The following MICAL1 variants were observed in gnomAD, a reference collection of about 807,000 sequenced individuals.
MICAL1 encodes the protein microtubule associated monooxygenase, calponin and LIM domain containing 1.
A neutral mutation model predicts 131.8 loss-of-function variants in MICAL1; 95 were observed. The ratio of observed to expected loss-of-function variants is 0.72; its 90% confidence interval spans 0.61 to 0.86. The LOEUF is 0.86. MICAL1 is among the 40% of genes least tolerant of loss of function. The pLI, the probability that MICAL1 is intolerant of heterozygous loss-of-function variation, is 0.00. For missense variants in MICAL1, 1,292 were observed against 1,380.6 expected, an observed-to-expected ratio of 0.94 and a Z score of 1.02; for synonymous variants, 546 against 554.2, an observed-to-expected ratio of 0.99 and a Z score of 0.21.
chr6:109,457,282 G>A (rs77974448), upstream of MICAL1, among the ~76,000 whole-genome samples: 5,184 of 152,264 alleles, frequency 0.034, 135 homozygotes, highest in East Asian at 0.07. Context: ...GCTTTTGAGT[G>A]TGACACGTCA....
upstream of MICAL1, among the ~76,000 whole-genome samples, chr6:109,456,390 G>T (rs1191479313): frequency 5.9e-5 from 9 of 152,236 alleles, no homozygotes; most frequent in African/African-American, 1.9e-4. Flanking sequence ...CGCAGAGTGC[G>T]CCTCCTGTGA....
rs965061295 is a variant in MICAL1 at position 109,452,735 on chromosome 6, ATATAT to A, written c.572-125_572-121del. ...GGACTCTCTGGTTTAGAAAGCAATG[ATATAT>A]TATCTATCAGATTACACCTTCACAG... On this transcript the variant is annotated intron_variant, in intron 4 of 24. Coordinates refer to ENST00000358807, the MANE Select transcript of MICAL1 (RefSeq NM_022765.4). 5 of 700,978 alleles carry A rather than the reference ATATAT, an allele frequency of 7.1e-6. No individual in the cohort carries two copies. The African/African-American group carries it at 9.0e-5, about 13-fold the overall frequency. The allele number at this position is 700,978 out of a possible 1,614,324, so 43.4% of individuals were successfully genotyped here.
intron 1 of MICAL1, 36 bp from the exon 2 acceptor site, chr6:109,454,275 G>A (rs770318482): frequency 1.3e-6 from 2 of 1,506,108 alleles, no homozygotes; most frequent in Non-Finnish European, 8.9e-7. Context: ...AGAGGCTGGA[G>A]AACAGAAGAA....
chr6:109,456,884 G>T (rs757596109), upstream of MICAL1, among the ~76,000 whole-genome samples: 4 of 152,142 alleles, frequency 2.6e-5, no homozygotes, highest in South Asian at 6.2e-4. Flanking sequence ...CAGGTCTGTC[G>T]GCTCCACCAC....
In MICAL1 at chr6:109,452,460, G is replaced by C. The variant is rs373446253; in HGVS notation, c.676+51C>G. 8.1e-6 allele frequency: 13 copies of C among 1,611,488 alleles called. No homozygotes were observed. In the African/African-American group the frequency reaches 1.6e-4, roughly 20 times the overall value. ...GAGGGGGTTATAACAATCTAGAAAG[G>C]CCCAGGATGTGCCAGAGATGCTGGC... On this transcript the variant is annotated intron_variant, in intron 5 of 24. Transcript: ENST00000358807.
At chr6:109,464,307 A>C (rs972382184) in intron 1 of MICAL1, 2 of 152,172 alleles carry the variant, frequency 1.3e-5, no homozygotes, top group African/African-American at 4.8e-5. Flanking sequence ...TCTTCTCTCA[A>C]ACCTGAAGAA....
chr6:109,452,339 C>T lies in MICAL1; in HGVS notation c.739G>A (p.Gly247Arg). 6.2e-7 allele frequency: 1 copy of T among 1,614,204 alleles called. No individual in the cohort carries two copies. ...AIGITANFVNGRTVEETQVPE... is the reference protein window; with the variant it reads ...AIGITANFVNRRTVEETQVPE... ...ACCTGTGTCTCCTCCACGGTGCGTC[C>T]ATTCACAAAGTTGGCTGTGATGCCA... is the stretch of plus-strand genomic sequence containing the variant. The change falls in exon 6 of 25, where the codon GGA becomes AGA. Residue 247 changes from glycine (G) to arginine (R), a missense_variant. Gly to Arg is a moderately radical substitution (Grantham distance 125, BLOSUM62 -2). Transcript: ENST00000358807.
chr6:109,452,162 G>A (rs1390603975), intron 6 of MICAL1, 84 bp downstream of exon 6: 2 of 1,529,368 alleles, frequency 1.3e-6, no homozygotes, highest in African/African-American at 2.8e-5. Flanking sequence ...GTTCCTTGCA[G>A]TGAGGACAAG....
At chr6:109,449,636 T>C (rs1348247818) in intron 10 of MICAL1, 21 bp downstream of exon 10, 1 of 1,585,188 alleles carries the variant, frequency 6.3e-7, no homozygotes, top group Non-Finnish European at 8.6e-7. Context: ...GGAAGGCTGG[T>C]GGGTGTGTCG....
chr6:109,455,588 G>A lies in MICAL1; in HGVS notation c.-44+131C>T. 1.7e-6 allele frequency: 1 copy of A among 590,736 alleles called. No homozygotes were observed. Among genetic ancestry groups the A allele is most frequent in the Non-Finnish European group, 2.1e-6 (1 of 468,486 alleles). The allele number at this position is 590,736 out of a possible 1,614,324, so 36.6% of individuals were successfully genotyped here. On this transcript the variant is annotated intron_variant, in intron 1 of 24. Transcript: ENST00000358807. This position sits in a 1 kb window ranked among gnomAD's most constrained non-coding sequence, Gnocchi z 4.7. ...TCCGGACGCGGCGTGAGCAGGGCTG[G>A]GCTGAGGGAAGACCTGCCTGACCTG... is the stretch of plus-strand genomic sequence containing the variant.
intron 1 of MICAL1, among the ~76,000 whole-genome samples, chr6:109,461,693 T>C (rs960955055): frequency 1.8e-4 from 27 of 152,166 alleles, no homozygotes; most frequent in African/African-American, 6.5e-4. Context: ...ATTAAATATG[T>C]AATTTTTAAT....
intron 13 of MICAL1, 88 bp downstream of exon 13, chr6:109,448,115 C>T (rs1775324608): frequency 1.5e-6 from 2 of 1,363,156 alleles, no homozygotes; most frequent in Non-Finnish European, 2.0e-6. Flanking sequence ...CACACACACA[C>T]ACCGCCTTCT....
Position 109,445,402 on chromosome 6 carries a change from C to A in MICAL1, c.2787+14G>T, listed in dbSNP as rs370929889. 2 of 1,613,700 alleles carry A rather than the reference C, an allele frequency of 1.2e-6. No individual in the cohort carries two copies. The highest frequency in any genetic ancestry group is 1.3e-5 in the African/African-American group (1 of 74,926). ...TTTGACCCCATCAGAATTTTGGGAA[C>A]CCCCGGGCTTCACCTGGGCCTTGCA... On this transcript the variant is annotated intron_variant, in intron 21 of 24. Transcript: ENST00000358807.
chr6:109,448,614 TAG>T, intron 12 of MICAL1, 116 bp downstream of exon 12: 1 of 1,443,366 alleles, frequency 6.9e-7, no homozygotes, highest in Non-Finnish European at 9.5e-7. Flanking sequence ...CTGAATGCAT[TAG>T]AGTCTCACAA....
chr6:109,451,886 A>G (rs1775557921), intron 6 of MICAL1, 186 bp from the exon 7 acceptor site: 1 of 1,403,248 alleles, frequency 7.1e-7, no homozygotes, highest in African/African-American at 1.5e-5. Context: ...AGGAGGCCTG[A>G]GGACTTAGAG....
rs989053743 is a variant in MICAL1, at chr6:109,455,399, G to A, written c.-44+320C>T. Among the ~76,000 whole-genome samples the A allele has an allele frequency of 1.3e-5, 2 of 152,220 alleles. No individual in the cohort carries two copies. Among genetic ancestry groups the A allele is most frequent in the African/African-American group, 4.8e-5 (2 of 41,456 alleles). The stretch of plus-strand genomic sequence containing the variant: ...AAGGGCAAAGATCTTTCTTGGGGGT[G>A]GAGGGTGGAAGGAGGAAGACCTCGG... On this transcript the variant is annotated intron_variant, in intron 1 of 24. Coordinates refer to ENST00000358807, the MANE Select transcript of MICAL1 (RefSeq NM_022765.4). This position sits in a 1 kb window ranked among gnomAD's most constrained non-coding sequence, Gnocchi z 4.7.
rs1033227602 is a variant in MICAL1, at chr6:109,445,867, G to A, written c.2582-5C>T. 3 of 1,597,220 alleles carry A rather than the reference G, an allele frequency of 1.9e-6. No homozygotes were observed. The highest frequency in any genetic ancestry group is 2.2e-5 in the East Asian group (1 of 44,604). ...CCTTCTCCATGGCCACAAGAGCTGA[G>A]AAGAAGAACTGAGACGTTCTACTGC... On this transcript the variant is annotated splice_region_variant and splice_polypyrimidine_tract_variant and intron_variant, in intron 19 of 24. Transcript: ENST00000358807.
intron 14 of MICAL1, 61 bp downstream of exon 14, chr6:109,447,814 C>T: frequency 6.2e-7 from 1 of 1,610,328 alleles, no homozygotes; most frequent in East Asian, 2.2e-5. Flanking sequence ...CCAGGATCTC[C>T]ACTGGGTACC....
chr6:109,446,158 G>T lies in MICAL1; in HGVS notation c.2559C>A (p.Gly853=). 1.9e-6 allele frequency: 3 copies of T among 1,558,920 alleles called. No individual in the cohort carries two copies. The highest frequency in any genetic ancestry group is 1.7e-6 in the Non-Finnish European group (2 of 1,156,806). Residue 853 remains glycine, a synonymous_variant, in exon 19 of 25, where the codon GGC becomes GGA. Coordinates refer to ENST00000358807, the MANE Select transcript of MICAL1 (RefSeq NM_022765.4). ...HALESSFVGW[G]LPVQSPQALV... ...TACCTTGAGGGCTCTGGACTGGCAG[G>T]CCCCAGCCCACAAAGCTGCTCTCCA...
Sources: gnomAD v4.1 joint callset for allele counts (sites outside exome capture counted in the v4.1 genomes callset) on GRCh38, gnomAD v4.1.1 for gene constraint, Gnocchi (gnomAD v3.1) non-coding constraint, MANE v1.5 for transcripts, NCBI Gene and HGNC (gene_info 2026-07-23, HGNC 2026-07-21) for gene names.